SMYD3: variants seen among roughly 807,000 people sequenced by gnomAD.
SMYD3 encodes histone-lysine N-methyltransferase SMYD3.
A neutral mutation model predicts 57.7 loss-of-function variants in SMYD3; 36 were observed. That is an observed-to-expected ratio of 0.62 (90% CI 0.48 to 0.82). The LOEUF (loss-of-function observed/expected upper bound fraction) is 0.82, where lower values mean the gene tolerates loss of function less well. Ranked by LOEUF, SMYD3 falls within the 40% of genes least tolerant of loss-of-function variation. SMYD3 has a pLI of 0.00. For missense variants in SMYD3, 515 were observed against 538.8 expected (o/e 0.96, Z 0.44); for synonymous variants, 211 against 195.0 (o/e 1.08, Z -0.68).
At chr1:246,441,403 C>G (rs1310755091) in intron 1 of SMYD3, among the ~76,000 whole-genome samples, 1 of 152,100 alleles carries the variant, frequency 6.6e-6, no homozygotes, top group East Asian at 1.9e-4. Flanking sequence ...AATGAAAGTA[C>G]CACCATTCAC....
At chr1:246,447,775 T>A (rs1023196900) in intron 1 of SMYD3, among the ~76,000 whole-genome samples, 2 of 152,214 alleles carry the variant, frequency 1.3e-5, no homozygotes, top group African/African-American at 4.8e-5. Flanking sequence ...TTAATTGCCA[T>A]GTAATCATCA....
chr1:246,246,824 T>C (rs1035089293), intron 5 of SMYD3, among the ~76,000 whole-genome samples: 4 of 147,532 alleles, frequency 2.7e-5, no homozygotes, highest in Non-Finnish European at 5.9e-5. Context: ...ATTTACACTA[T>C]ATATATTTTA....
chr1:246,100,839 T>C (rs552809455), intron 5 of SMYD3, among the ~76,000 whole-genome samples: 2 of 152,060 alleles, frequency 1.3e-5, no homozygotes, highest in South Asian at 4.2e-4. Context: ...ATGCAACTTC[T>C]TGTCCATGCA....
At chr1:245,808,205 T>C (rs2048286566) in intron 10 of SMYD3, among the ~76,000 whole-genome samples, 1 of 152,170 alleles carries the variant, frequency 6.6e-6, no homozygotes, top group Admixed American at 6.5e-5. Context: ...CGCCCTTGGC[T>C]GGGGTGTTTC....
chr1:245,751,432 C>G (rs917519138), intron 11 of SMYD3, among the ~76,000 whole-genome samples: 1 of 152,158 alleles, frequency 6.6e-6, no homozygotes. Flanking sequence ...ATTTCAACCT[C>G]TGTTTCTGGC....
intron 10 of SMYD3, among the ~76,000 whole-genome samples, chr1:245,775,008 A>G (rs2046512302): frequency 6.6e-6 from 1 of 152,088 alleles, no homozygotes; most frequent in South Asian, 2.1e-4. Flanking sequence ...TCAGTGGTCA[A>G]TGGTGCCCAG....
chr1:245,762,493 G>T (rs1283043873), intron 11 of SMYD3, among the ~76,000 whole-genome samples: 1 of 152,230 alleles, frequency 6.6e-6, no homozygotes, highest in East Asian at 1.9e-4. Flanking sequence ...TTGCTGATTC[G>T]ACTGGCTGAC....
At chr1:245,888,524 T>C (rs2053208460) in intron 8 of SMYD3, among the ~76,000 whole-genome samples, 2 of 152,216 alleles carry the variant, frequency 1.3e-5, no homozygotes, top group Admixed American at 1.3e-4. Flanking sequence ...ATGATACTTG[T>C]ATTTTCTGGG....
At chr1:246,507,001 C>CCCCCCCCCCCCACCACCCCACA in intron 1 of SMYD3, 53 bp downstream of exon 1, 1 of 1,159,194 alleles carries the variant, frequency 8.6e-7, no homozygotes, top group Non-Finnish European at 1.2e-6. Context: ...CCCCCCCTCC[C>CCCCCCCCCCCCACCACCCCACA]CAGCACCCCA....
At chr1:246,119,114 G>T (rs1215412961) in intron 5 of SMYD3, among the ~76,000 whole-genome samples, 1 of 152,098 alleles carries the variant, frequency 6.6e-6, no homozygotes, top group East Asian at 1.9e-4. Context: ...TCAAAATCCA[G>T]GGCTAAAGCC....
chr1:246,199,871 C>T (rs958666292), intron 5 of SMYD3, among the ~76,000 whole-genome samples: 6 of 152,154 alleles, frequency 3.9e-5, no homozygotes, highest in East Asian at 1.9e-4. Context: ...TGTACACAGA[C>T]GCCCACTGTA....
At chr1:246,241,533 G>A (rs1558342469) in intron 5 of SMYD3, among the ~76,000 whole-genome samples, 1 of 152,140 alleles carries the variant, frequency 6.6e-6, no homozygotes, top group Non-Finnish European at 1.5e-5. Flanking sequence ...TATTCATCAT[G>A]GATATTGGTC....
At chr1:246,207,102 A>G (rs1453660384) in intron 5 of SMYD3, among the ~76,000 whole-genome samples, 1 of 152,136 alleles carries the variant, frequency 6.6e-6, no homozygotes, top group Non-Finnish European at 1.5e-5. Context: ...AAATGAACAT[A>G]ATAATGAGTA....
At chr1:245,786,215 G>GGGA (rs200243701) in intron 10 of SMYD3, among the ~76,000 whole-genome samples, 6 of 147,200 alleles carry the variant, frequency 4.1e-5, no homozygotes, top group Middle Eastern at 3.5e-3. Flanking sequence ...GGTGTGGACG[G>GGGA]GGGGGGGATG....
At chr1:245,835,882 C>CCGT in intron 10 of SMYD3, among the ~76,000 whole-genome samples, 1 of 152,304 alleles carries the variant, frequency 6.6e-6, no homozygotes, top group South Asian at 2.1e-4. Context: ...CTTCTGTTCT[C>CCGT]CGTCGACGTG....
chr1:245,833,047 C>T (rs1264164185), intron 10 of SMYD3, among the ~76,000 whole-genome samples: 2 of 62,526 alleles, frequency 3.2e-5, no homozygotes, highest in East Asian at 1.3e-3. Flanking sequence ...AATTACTGCC[C>T]GGAATATGTG....
intron 5 of SMYD3, among the ~76,000 whole-genome samples, chr1:245,987,513 G>A (rs1181674483): frequency 6.6e-6 from 1 of 152,232 alleles, no homozygotes; most frequent in Non-Finnish European, 1.5e-5. Flanking sequence ...ACAATCATTA[G>A]TAACAGGTGA....
intron 10 of SMYD3, among the ~76,000 whole-genome samples, chr1:245,824,706 A>C (rs1381105941): frequency 5.9e-5 from 9 of 152,106 alleles, no homozygotes; most frequent in Admixed American, 4.6e-4. Flanking sequence ...AAATACAAAA[A>C]TTAGCCAGGT....
chr1:246,307,942 A>G (rs1034091400), intron 5 of SMYD3, among the ~76,000 whole-genome samples: 4 of 152,142 alleles, frequency 2.6e-5, no homozygotes, highest in Admixed American at 2.0e-4. Flanking sequence ...TCGGTAGCCT[A>G]TTTGCAATGG....
Sources: gnomAD v4.1 joint callset for allele counts (sites outside exome capture counted in the v4.1 genomes callset) on GRCh38, gnomAD v4.1.1 for gene constraint, MANE v1.5 for transcripts, NCBI Gene and HGNC (gene_info 2026-07-23, HGNC 2026-07-21) for gene names.